Variants in CREBBP observed in about 807,000 individuals in gnomAD.
CREBBP encodes the protein CREB-binding protein.
In CREBBP, 19 loss-of-function variants were observed where a neutral mutation model predicts 265.0. The observed-to-expected ratio is 0.07, with a 90% CI of 0.05 to 0.11. The LOEUF is 0.11. CREBBP is among the 10% of genes least tolerant of loss of function. The pLI is 1.00. For synonymous variants in CREBBP, 1,457 were observed against 1,223.7 expected (o/e 1.19, Z -3.98); for missense variants, 2,525 against 3,219.0 (o/e 0.78, Z 5.22).
intron 1 of CREBBP, among the ~76,000 whole-genome samples, chr16:3,865,669 T>C (rs1044272687): frequency 1.4e-4 from 21 of 151,962 alleles, no homozygotes; most frequent in Non-Finnish European, 2.5e-4. Flanking sequence ...GATGGAGTCT[T>C]GATCTGTCGC....
At chr16:3,814,776 TTC>T (rs1254815279) in intron 2 of CREBBP, among the ~76,000 whole-genome samples, 1 of 152,150 alleles carries the variant, frequency 6.6e-6, no homozygotes, top group Non-Finnish European at 1.5e-5. Context: ...ATCTACACAA[TTC>T]TCAAAAATAG....
rs2054766742 is a variant in CREBBP at position 3,849,444 on chromosome 16, T to TGTGTGTGTGTGTGTGTGTG, written c.798+834_798+852dup. Among the ~76,000 whole-genome samples the TGTGTGTGTGTGTGTGTGTG allele has an allele frequency of 1.6e-4, 4 of 24,836 alleles. 1 individual carries two copies. Among genetic ancestry groups the TGTGTGTGTGTGTGTGTGTG allele is most frequent in the East Asian group, 4.9e-3 (2 of 408 alleles). The allele number at this position is 24,836 out of a possible 152,430, so 16.3% of individuals were successfully genotyped here. On this transcript the variant is annotated intron_variant, in intron 2 of 30. Transcript: ENST00000262367. ...GTGTGTGTGTGTGTGTGTGTGTGTG[T>TGTGTGTGTGTGTGTGTGTG]GTGTGTGTGTGTGTGTGTGTGTGTG...
chr16:3,801,592 C>T (rs1018561111), intron 3 of CREBBP, among the ~76,000 whole-genome samples: 19 of 152,102 alleles, frequency 1.2e-4, no homozygotes, highest in Admixed American at 1.2e-3. Flanking sequence ...ATCGCTTGAA[C>T]CCAGGAAGTG....
chr16:3,849,147 CTGT>C (rs1567359568), intron 2 of CREBBP, among the ~76,000 whole-genome samples: 1 of 152,176 alleles, frequency 6.6e-6, no homozygotes, highest in Non-Finnish European at 1.5e-5. Context: ...CTGGTGGCTG[CTGT>C]TGAGAAGCCT....
intron 1 of CREBBP, among the ~76,000 whole-genome samples, chr16:3,859,976 G>C (rs2055039840): frequency 6.6e-6 from 1 of 152,202 alleles, no homozygotes; most frequent in Admixed American, 6.5e-5. Flanking sequence ...TTTATAGCCA[G>C]TCAGAAGCAC....
Position 3,774,654 on chromosome 16 carries a change from T to C in CREBBP, c.2198A>G (p.Gln733Arg), listed in dbSNP as rs1567302791. ...AGGTCCCATGGGTGCTTGTGGCAACTGGACGTTCCCCAAGGACATGGGGTT... is the reference window on the plus strand; with the variant it reads ...AGGTCCCATGGGTGCTTGTGGCAACCGGACGTTCCCCAAGGACATGGGGTT... ...SFNPMSLGNV[Q>R]LPQAPMGPRA... The change falls in exon 12 of 31, where the codon CAG becomes CGG. Residue 733 changes from glutamine (Q) to arginine (R), a missense_variant. Transcript: ENST00000262367. 2 of 1,614,220 alleles carry C rather than the reference T, an allele frequency of 1.2e-6. No homozygotes were observed. Among genetic ancestry groups the C allele is most frequent in the Non-Finnish European group, 1.7e-6 (2 of 1,180,038 alleles).
chr16:3,874,062 G>C (rs2055351974), intron 1 of CREBBP, among the ~76,000 whole-genome samples: 1 of 152,176 alleles, frequency 6.6e-6, no homozygotes, highest in Admixed American at 6.5e-5. Flanking sequence ...CCTAGAGCCT[G>C]AGATGACAAA....
intron 1 of CREBBP, among the ~76,000 whole-genome samples, chr16:3,859,266 C>T (rs2055024901): frequency 6.6e-6 from 1 of 151,816 alleles, no homozygotes; most frequent in Non-Finnish European, 1.5e-5. Context: ...GATCTTGGCT[C>T]ACTGCAGCCT....
At chr16:3,751,552 AC>A (rs2052474202) in intron 20 of CREBBP, among the ~76,000 whole-genome samples, 173 bp downstream of exon 20, 1 of 152,244 alleles carries the variant, frequency 6.6e-6, no homozygotes, top group Non-Finnish European at 1.5e-5. Flanking sequence ...AGATAGTGCC[AC>A]TGCACACCAC....
chr16:3,734,024 G>C (rs1418494565), intron 28 of CREBBP, among the ~76,000 whole-genome samples: 3 of 152,162 alleles, frequency 2.0e-5, no homozygotes, highest in Non-Finnish European at 4.4e-5. Context: ...AAAAAGTTTT[G>C]TTTTTCTGGT....
chr16:3,738,390 G>C (rs1287737349), intron 26 of CREBBP, among the ~76,000 whole-genome samples, 169 bp downstream of exon 26: 1 of 150,522 alleles, frequency 6.6e-6, no homozygotes, highest in Non-Finnish European at 1.5e-5. Context: ...AGCCAGACCT[G>C]TGAGGCTCGG....
chr16:3,856,825 C>T (rs1184276854), intron 1 of CREBBP, among the ~76,000 whole-genome samples: 3 of 152,152 alleles, frequency 2.0e-5, no homozygotes, highest in Admixed American at 2.0e-4. Flanking sequence ...GAAAAATCTG[C>T]AAAAGGCGAC....
intron 5 of CREBBP, among the ~76,000 whole-genome samples, chr16:3,788,953 A>G (rs1243723262): frequency 6.6e-6 from 1 of 152,202 alleles, no homozygotes; most frequent in Non-Finnish European, 1.5e-5. Context: ...CTCCGTCTCA[A>G]AACAAACCAA....
intron 25 of CREBBP, 75 bp from the exon 26 acceptor site, chr16:3,738,747 C>T: frequency 2.1e-6 from 2 of 959,036 alleles, no homozygotes; most frequent in Non-Finnish European, 3.3e-6. Flanking sequence ...CAAACAACAC[C>T]CTGGAAGTTT....
chr16:3,744,140 T>C (rs2052283923), intron 23 of CREBBP, among the ~76,000 whole-genome samples: 2 of 152,192 alleles, frequency 1.3e-5, no homozygotes, highest in Non-Finnish European at 2.9e-5. Context: ...GTTCCTTCTA[T>C]TTCTGCACAG....
chr16:3,734,143 G>A lies in CREBBP; in HGVS notation c.4728+1893C>T, dbSNP rs567197744. The stretch of plus-strand genomic sequence containing the variant: ...GGACTGCACACAGGGAGCTGGTTCC[G>A]TTTCTCGCCCCACCTGACACTATCG... On this transcript the variant is annotated intron_variant, in intron 28 of 30. Coordinates refer to ENST00000262367, the MANE Select transcript of CREBBP (RefSeq NM_004380.3). 1.1e-4 allele frequency among the ~76,000 whole-genome samples: 16 copies of A among 152,190 alleles called. No individual in the cohort carries two copies. The South Asian group carries it at 3.1e-3, about 30-fold the overall frequency.
chr16:3,782,688 G>A lies in CREBBP; in HGVS notation c.1569C>T (p.Pro523=), dbSNP rs769953991. Reference sequence around the variant, plus strand: ...GTTGAGAGTTCCTTCACCTACCCAGGGGGTTGAGAGTCCTCATCTGCTGGT... The same window carrying A: ...GTTGAGAGTTCCTTCACCTACCCAGAGGGTTGAGAGTCCTCATCTGCTGGT... ...QTHQQMRTLN[P]LGNNPMNIPA... is the part of the protein sequence containing the mutation. The change falls in exon 6 of 31, where the codon CCC becomes CCT. Residue 523 remains proline (P), a synonymous_variant. Transcript: ENST00000262367. The A allele has an allele frequency of 6.2e-7, 1 of 1,614,062 alleles. No individual in the cohort carries two copies. Among genetic ancestry groups the A allele is most frequent in the Non-Finnish European group, 8.5e-7 (1 of 1,179,974 alleles).
At chr16:3,822,858 G>T (rs1018612845) in intron 2 of CREBBP, among the ~76,000 whole-genome samples, 4 of 152,108 alleles carry the variant, frequency 2.6e-5, no homozygotes, top group Non-Finnish European at 5.9e-5. Flanking sequence ...ACAGGGAAGG[G>T]TGCTGAGGGA....
At chr16:3,872,327 CTCT>C (rs1597088637) in intron 1 of CREBBP, among the ~76,000 whole-genome samples, 1 of 152,194 alleles carries the variant, frequency 6.6e-6, no homozygotes, top group East Asian at 1.9e-4. Context: ...TTGCTCAAAT[CTCT>C]TCAAGTCACA....
Sources: allele counts gnomAD v4.1 joint callset (sites outside exome capture counted in the v4.1 genomes callset), GRCh38; gene constraint gnomAD v4.1.1; transcripts MANE v1.5; gene names NCBI Gene and HGNC (gene_info 2026-07-23, HGNC 2026-07-21).